The following LAMC1 variants were observed in gnomAD, a reference collection of about 807,000 sequenced individuals.
LAMC1 encodes laminin subunit gamma 1.
A neutral mutation model predicts 173.6 loss-of-function variants in LAMC1; 38 were observed. The observed-to-expected ratio is 0.22, with a 90% CI of 0.17 to 0.29. The LOEUF is 0.29. Among genes scored for constraint, LAMC1 ranks in the 10% least tolerant of loss-of-function variants. LAMC1 has a pLI of 1.00. For missense variants in LAMC1, 1,824 were observed against 2,051.8 expected (o/e 0.89, Z 2.14); for synonymous variants, 746 against 749.1 (o/e 1.00, Z 0.07).
chr1:183,118,190 T>C (rs1321509381), intron 11 of LAMC1, 44 bp downstream of exon 11: 1 of 1,161,404 alleles, frequency 8.6e-7, no homozygotes, highest in East Asian at 2.3e-5. Flanking sequence ...AAAAGATGAT[T>C]GGTTAGAAAG....
At chr1:183,140,295 G>T in intron 26 of LAMC1, 109 bp from the exon 27 acceptor site, 13 of 254,144 alleles carry the variant, frequency 5.1e-5, no homozygotes, top group East Asian at 1.1e-4. Flanking sequence ...TCCTAAGTTA[G>T]AAAAGGGAAG....
chr1:183,074,857 A>G (rs1655087602), intron 1 of LAMC1, among the ~76,000 whole-genome samples: 1 of 152,162 alleles, frequency 6.6e-6, no homozygotes, highest in African/African-American at 2.4e-5. Flanking sequence ...TAGGTAACTG[A>G]ATAGACATAA....
intron 1 of LAMC1, among the ~76,000 whole-genome samples, chr1:183,040,958 A>G (rs1396223174): frequency 6.6e-6 from 1 of 152,220 alleles, no homozygotes; most frequent in Non-Finnish European, 1.5e-5. Context: ...ACTATAGAAG[A>G]TCAAAATAAA....
At chr1:183,040,498 T>C (rs997026296) in intron 1 of LAMC1, among the ~76,000 whole-genome samples, 1 of 152,264 alleles carries the variant, frequency 6.6e-6, no homozygotes, top group Non-Finnish European at 1.5e-5. Context: ...GTTTGTTTAT[T>C]TGGAACTTGT....
chr1:183,122,244 C>T lies in LAMC1; in HGVS notation c.2394C>T (p.Gly798=), dbSNP rs149863994. ...KEVVCTNCPT[G]TTGKRCELCD... ...TGGTGTGCACCAACTGTCCTACTGG[C>T]ACCACTGGTAAGTCTGCTCGCTTCA... The change falls in exon 13 of 28, where the codon GGC becomes GGT. Residue 798 remains glycine, a synonymous_variant. Transcript: ENST00000258341. 1.8e-4 allele frequency: 295 copies of T among 1,613,946 alleles called. No homozygotes were observed. The African/African-American group carries it at 3.7e-3, about 20-fold the overall frequency.
Position 183,122,269 on chromosome 1 carries a change from A to C in LAMC1, c.2401+18A>C. On this transcript the variant is annotated intron_variant, in intron 13 of 27. Coordinates refer to ENST00000258341, the MANE Select transcript of LAMC1 (RefSeq NM_002293.4). ...CACCACTGGTAAGTCTGCTCGCTTC[A>C]TCTGCTTTCAGTGTTCCCTTCTATA... The C allele has an allele frequency of 6.2e-7, 1 of 1,611,476 alleles. No homozygotes were observed. Among genetic ancestry groups the C allele is most frequent in the Non-Finnish European group, 8.5e-7 (1 of 1,178,130 alleles).
chr1:183,120,860 A>C (rs1407537941), intron 11 of LAMC1, among the ~76,000 whole-genome samples: 2 of 152,146 alleles, frequency 1.3e-5, no homozygotes, highest in African/African-American at 4.8e-5. Flanking sequence ...GCTGTTTTAC[A>C]GAGGGCAGAA....
At chr1:183,045,706 A>G (rs1018190388) in intron 1 of LAMC1, among the ~76,000 whole-genome samples, 2 of 152,064 alleles carry the variant, frequency 1.3e-5, no homozygotes, top group African/African-American at 2.4e-5. Context: ...GTCATAATAC[A>G]TGAGTTTTTC....
At chr1:183,127,498 G>C (rs1656653877) in intron 17 of LAMC1, 94 bp downstream of exon 17, 2 of 1,126,812 alleles carry the variant, frequency 1.8e-6, no homozygotes, top group Admixed American at 4.1e-5. Flanking sequence ...TGGTGAACAA[G>C]GTAGATGTGG....
intron 1 of LAMC1, among the ~76,000 whole-genome samples, chr1:183,065,569 A>G (rs1300890878): frequency 1.3e-5 from 2 of 152,230 alleles, no homozygotes; most frequent in African/African-American, 4.8e-5. Flanking sequence ...ACTGATTTAA[A>G]TAGGTTAATC....
At chr1:183,033,246 G>C (rs990112645) in intron 1 of LAMC1, among the ~76,000 whole-genome samples, 3 of 152,136 alleles carry the variant, frequency 2.0e-5, no homozygotes, top group Non-Finnish European at 2.9e-5. Context: ...GAACTGGCTG[G>C]TTTTAATTGA....
At chr1:183,061,192 T>G (rs1259282025) in intron 1 of LAMC1, among the ~76,000 whole-genome samples, 1 of 152,176 alleles carries the variant, frequency 6.6e-6, no homozygotes, top group Non-Finnish European at 1.5e-5. Flanking sequence ...ATCTCACATT[T>G]TGGTGTGCCA....
rs1656687524 is a variant in LAMC1, at chr1:183,128,478, A to T, written c.3124-116A>T. On this transcript the variant is annotated intron_variant, in intron 17 of 27. Coordinates refer to ENST00000258341, the MANE Select transcript of LAMC1 (RefSeq NM_002293.4). ...TAAAGTATAATAATAATTAAAAAAA[A>T]AAAAAAAGAACTACATATTCATGGA... The T allele has an allele frequency of 8.1e-6, 6 of 740,708 alleles. 1 individual carries two copies. Among genetic ancestry groups the T allele is most frequent in the Non-Finnish European group, 1.2e-5 (6 of 490,976 alleles). The allele number at this position is 740,708 out of a possible 1,614,324, so 45.9% of individuals were successfully genotyped here. A position where few individuals can be genotyped will look rare whatever the true frequency, so the allele number is the denominator to read the frequency against.
At chr1:183,039,391 G>A (rs191526353) in intron 1 of LAMC1, among the ~76,000 whole-genome samples, 119 of 152,164 alleles carry the variant, frequency 7.8e-4, no homozygotes, top group South Asian at 4.2e-4. Context: ...ATTAACTTTC[G>A]GAGCAGTCCA....
chr1:183,070,490 C>CTG (rs1654983922), intron 1 of LAMC1, among the ~76,000 whole-genome samples: 2 of 152,174 alleles, frequency 1.3e-5, no homozygotes, highest in Admixed American at 1.3e-4. Flanking sequence ...ATGGTAATGT[C>CTG]TGTGTGTTCT....
At chr1:183,081,129 C>T (rs138447126) in intron 1 of LAMC1, among the ~76,000 whole-genome samples, 3,651 of 151,956 alleles carry the variant, frequency 0.024, 147 homozygotes, top group African/African-American at 0.083. Context: ...CCACGTGATC[C>T]GCCTGCATCG....
At chr1:183,092,353 T>TA (rs914197422) in intron 1 of LAMC1, among the ~76,000 whole-genome samples, 2 of 151,584 alleles carry the variant, frequency 1.3e-5, no homozygotes, top group East Asian at 1.9e-4. Context: ...TATGGTGCTT[T>TA]AAAAAAATAC....
At chr1:183,071,145 A>C (rs1655002181) in intron 1 of LAMC1, among the ~76,000 whole-genome samples, 1 of 148,922 alleles carries the variant, frequency 6.7e-6, no homozygotes, top group Non-Finnish European at 1.5e-5. Context: ...ATCTCTCTAT[A>C]TGAAACTTGG....
At chr1:183,043,478 ATG>A (rs1654193107) in intron 1 of LAMC1, among the ~76,000 whole-genome samples, 1 of 152,220 alleles carries the variant, frequency 6.6e-6, no homozygotes, top group Non-Finnish European at 1.5e-5. Flanking sequence ...CTATATAAAA[ATG>A]TGAACAATAG....
Sources: gnomAD v4.1 joint callset for allele counts (sites outside exome capture counted in the v4.1 genomes callset) on GRCh38, gnomAD v4.1.1 for gene constraint, MANE v1.5 for transcripts, NCBI Gene and HGNC (gene_info 2026-07-23, HGNC 2026-07-21) for gene names.